Variants in ASTN2 observed in about 807,000 individuals in gnomAD.
ASTN2 encodes the protein astrotactin-2.
Under a neutral mutation model 139.8 loss-of-function variants are expected in ASTN2, and 54 were observed. The observed-to-expected ratio is 0.39, with a 90% CI of 0.31 to 0.48. ASTN2 has a LOEUF of 0.48. Ranked by LOEUF, ASTN2 falls within the 20% of genes least tolerant of loss-of-function variation. The pLI is 0.95. For missense variants in ASTN2, 1,565 were observed against 1,725.1 expected, an observed-to-expected ratio of 0.91 and a Z score of 1.64; for synonymous variants, 756 against 719.5, an observed-to-expected ratio of 1.05 and a Z score of -0.81.
intron 11 of ASTN2, among the ~76,000 whole-genome samples, chr9:116,846,201 G>A (rs1832426917): frequency 6.6e-6 from 1 of 152,142 alleles, no homozygotes; most frequent in Non-Finnish European, 1.5e-5. Flanking sequence ...AGGGGCTGGG[G>A]GAAGGGAGAA....
chr9:116,744,751 C>A (rs1829188969), intron 13 of ASTN2, among the ~76,000 whole-genome samples: 1 of 152,114 alleles, frequency 6.6e-6, no homozygotes, highest in Non-Finnish European at 1.5e-5. Flanking sequence ...ATAACCAGAG[C>A]CCTCCACACA....
At chr9:117,056,088 C>A (rs1230905867) in intron 5 of ASTN2, among the ~76,000 whole-genome samples, 1 of 152,198 alleles carries the variant, frequency 6.6e-6, no homozygotes, top group Non-Finnish European at 1.5e-5. Flanking sequence ...AAGCTGGGAA[C>A]AGATCCCTCC....
intron 11 of ASTN2, among the ~76,000 whole-genome samples, chr9:116,847,855 C>T (rs566529459): frequency 3.3e-5 from 5 of 152,252 alleles, no homozygotes; most frequent in South Asian, 4.1e-4. Context: ...GAGGTGCTGA[C>T]GCCATTTGGA....
intron 17 of ASTN2, among the ~76,000 whole-genome samples, chr9:116,631,569 A>AAG (rs148665082): frequency 1.3e-5 from 2 of 151,578 alleles, no homozygotes; most frequent in Admixed American, 1.3e-4. Context: ...TAGGAAGGGT[A>AAG]AGAGAGAGAG....
chr9:116,601,749 A>T (rs936593680), intron 19 of ASTN2, among the ~76,000 whole-genome samples: 1 of 152,236 alleles, frequency 6.6e-6, no homozygotes, highest in Non-Finnish European at 1.5e-5. Flanking sequence ...TAGCAAATCC[A>T]GTTTTGAATG....
At chr9:117,120,006 G>GTA (rs1247910636) in intron 4 of ASTN2, among the ~76,000 whole-genome samples, 7 of 44,544 alleles carry the variant, frequency 1.6e-4, no homozygotes, top group Non-Finnish European at 2.6e-4. Context: ...GTGTGTGTGT[G>GTA]TGTGTGTGTG....
At chr9:117,060,871 G>T (rs1839269146) in intron 5 of ASTN2, among the ~76,000 whole-genome samples, 1 of 151,948 alleles carries the variant, frequency 6.6e-6, no homozygotes, top group Non-Finnish European at 1.5e-5. Flanking sequence ...CTCCAGACTG[G>T]GTGACAGAGC....
At chr9:117,137,383 C>T (rs1380925480) in intron 4 of ASTN2, among the ~76,000 whole-genome samples, 1 of 152,128 alleles carries the variant, frequency 6.6e-6, no homozygotes, top group East Asian at 1.9e-4. Context: ...CAGGTGCTCC[C>T]AATCTGGACC....
chr9:117,409,081 A>G (rs985982931), intron 1 of ASTN2, among the ~76,000 whole-genome samples: 1 of 152,202 alleles, frequency 6.6e-6, no homozygotes, highest in African/African-American at 2.4e-5. Context: ...ATTAGCAGTA[A>G]AGGACTTGGT....
chr9:117,259,134 G>A (rs1467989692), intron 2 of ASTN2, among the ~76,000 whole-genome samples: 2 of 152,132 alleles, frequency 1.3e-5, no homozygotes, highest in African/African-American at 4.8e-5. Flanking sequence ...AATTGTCCAT[G>A]TAAGCTCCTG....
chr9:117,187,625 T>G lies in ASTN2; in HGVS notation c.1015+26733A>C, dbSNP rs532435030. 3.9e-5 allele frequency among the ~76,000 whole-genome samples: 6 copies of G among 152,300 alleles called. No individual in the cohort carries two copies. The East Asian group carries it at 1.2e-3, about 29-fold the overall frequency. On this transcript the variant is annotated intron_variant, in intron 3 of 22. Transcript: ENST00000313400. ...TCTGTTTTAAAAACTAGGTTGGCTGTCTGTCACGAGTCTCCCTGGTCATGT... is the reference window on the plus strand; with the variant it reads ...TCTGTTTTAAAAACTAGGTTGGCTGGCTGTCACGAGTCTCCCTGGTCATGT...
At chr9:116,804,554 G>A (rs767782745) in intron 13 of ASTN2, among the ~76,000 whole-genome samples, 21 of 152,180 alleles carry the variant, frequency 1.4e-4, no homozygotes, top group African/African-American at 2.6e-4. Context: ...AAACCCTTTC[G>A]TGTATGCTGA....
At chr9:116,473,389 A>T (rs760329180) in intron 20 of ASTN2, among the ~76,000 whole-genome samples, 15 of 152,334 alleles carry the variant, frequency 9.8e-5, no homozygotes, top group Non-Finnish European at 1.8e-4. Context: ...GAAACATTAT[A>T]GGTTCAAGGA....
intron 19 of ASTN2, among the ~76,000 whole-genome samples, chr9:116,524,004 T>G (rs1850988244): frequency 6.6e-6 from 1 of 152,278 alleles, no homozygotes. Context: ...AAAGGCCATT[T>G]TTTTTCCTCT....
chr9:116,768,953 C>T (rs572251175), intron 13 of ASTN2, among the ~76,000 whole-genome samples: 187 of 152,306 alleles, frequency 1.2e-3, no homozygotes, highest in African/African-American at 4.4e-3. Flanking sequence ...GTTTGGGACT[C>T]AACTGTGAGG....
Position 116,698,949 on chromosome 9 carries a change from T to C in ASTN2, c.2806+26822A>G. On this transcript the variant is annotated intron_variant, in intron 16 of 22. Coordinates refer to ENST00000313400, the MANE Select transcript of ASTN2 (RefSeq NM_001365068.1). This position sits in a 1 kb window ranked among gnomAD's most constrained non-coding sequence, Gnocchi z 4.4. Reference sequence around the variant, plus strand: ...TATACAAGTCTTTACCCGCAAAGGCTTTTTGAAGGAAATCCGCCGCAGCCC... The same window carrying C: ...TATACAAGTCTTTACCCGCAAAGGCCTTTTGAAGGAAATCCGCCGCAGCCC... The C allele has an allele frequency of 6.2e-7, 1 of 1,614,212 alleles. No homozygotes were observed. The highest frequency in any genetic ancestry group is 8.5e-7 in the Non-Finnish European group (1 of 1,180,038).
At chr9:117,359,917 T>C (rs1157232776) in intron 1 of ASTN2, among the ~76,000 whole-genome samples, 2 of 152,120 alleles carry the variant, frequency 1.3e-5, no homozygotes, top group Admixed American at 6.6e-5. Flanking sequence ...AGAAAACATA[T>C]AGAGGCAGGA....
At chr9:117,370,079 A>G (rs10818032) in intron 1 of ASTN2, among the ~76,000 whole-genome samples, 31,470 of 152,072 alleles carry the variant, frequency 0.21, 3,793 homozygotes, top group East Asian at 0.46. Flanking sequence ...TATTAACCCC[A>G]CTTGGAAGCC....
rs1412203685 is a variant in ASTN2, at chr9:116,804,553, C to T, written c.2396+1079G>A. On this transcript the variant is annotated intron_variant, in intron 13 of 22. Coordinates refer to ENST00000313400, the MANE Select transcript of ASTN2 (RefSeq NM_001365068.1). ...ACAAAAAATACTTAGAAAACCCTTT[C>T]GTGTATGCTGAATTAATGTTAGTGG... 3.9e-5 allele frequency among the ~76,000 whole-genome samples: 6 copies of T among 152,084 alleles called. No individual in the cohort carries two copies. In the East Asian group the frequency reaches 5.8e-4, roughly 15 times the overall value.
Sources: gnomAD v4.1 joint callset for allele counts (sites outside exome capture counted in the v4.1 genomes callset) on GRCh38, gnomAD v4.1.1 for gene constraint, Gnocchi (gnomAD v3.1) non-coding constraint, MANE v1.5 for transcripts, NCBI Gene and HGNC (gene_info 2026-07-23, HGNC 2026-07-21) for gene names.